Variants in DUSP6 observed in about 807,000 individuals in gnomAD.
The protein encoded by DUSP6 is dual specificity protein phosphatase 6.
Under a neutral mutation model 28.0 loss-of-function variants are expected in DUSP6, and 6 were observed. That is an observed-to-expected ratio of 0.21 (90% CI 0.12 to 0.42). DUSP6 has a LOEUF of 0.42. DUSP6 is among the 10% of genes least tolerant of loss of function. The pLI is 1.00. For missense variants in DUSP6, 451 were observed against 498.1 expected (o/e 0.91, Z 0.90); for synonymous variants, 252 against 217.5 (o/e 1.16, Z -1.40).
rs1879215555 is a variant in DUSP6, at chr12:89,351,967, C to T, written c.73G>A (p.Glu25Lys). 10 of 1,612,928 alleles carry T rather than the reference C, an allele frequency of 6.2e-6. No homozygotes were observed. The highest frequency in any genetic ancestry group is 7.6e-6 in the Non-Finnish European group (9 of 1,179,968). Residue 25 changes from glutamate (E) to lysine (K), a missense_variant, in exon 1 of 3, where the codon GAG (glutamate) becomes AAG (lysine). Around this residue, in one of 2 missense-constraint regions of DUSP6, gnomAD observed 347 missense variants for 346.6 expected, o/e 1.00. Coordinates refer to ENST00000279488, the MANE Select transcript of DUSP6 (RefSeq NM_001946.4). ...CGCTCGTTGCCCAGCTCCAGCTGCT[C>T]GTTGAGCCACGCCACCGTCTTGCTG... is the stretch of plus-strand genomic sequence containing the variant. The part of the protein sequence containing the change: ...AISKTVAWLN[E>K]QLELGNERLL...
chr12:89,350,928 C>G lies in DUSP6; in HGVS notation c.498G>C (p.Gly166=). ...CAGAGCTGATCCGCAGGCCCCCGAG[C>G]CCCAGCACTGGCAACGGCGGCGAGC... ...SSSSPPLPVL[G]LGGLRISSDS... Residue 166 remains glycine (G), a synonymous_variant, in exon 2 of 3, where the codon GGG becomes GGC. Coordinates refer to ENST00000279488, the MANE Select transcript of DUSP6 (RefSeq NM_001946.4). 6.2e-7 allele frequency: 1 copy of G among 1,613,780 alleles called. No homozygotes were observed. The highest frequency in any genetic ancestry group is 1.3e-5 in the African/African-American group (1 of 75,030).
At chr12:89,351,216 G>C in intron 1 of DUSP6, 191 bp from the exon 2 acceptor site, 1 of 713,800 alleles carries the variant, frequency 1.4e-6, no homozygotes, top group South Asian at 2.0e-5. Flanking sequence ...CGCCTCGCCA[G>C]GGAACCCTTA....
rs952749852 is a variant in DUSP6 at position 89,351,740 on chromosome 12, C to T, written c.300G>A (p.Glu100=). ...CGTDTVVLYD[E]SSSDWNENTG... ...TATTCTCGTTCCAGTCGCTGCTGCT[C>T]TCGTCGTAGAGCACCACTGTGTCGG... The change falls in exon 1 of 3, where the codon GAG becomes GAA. Residue 100 remains glutamate, a synonymous_variant. Transcript: ENST00000279488. 7.5e-6 allele frequency: 12 copies of T among 1,606,926 alleles called. No homozygotes were observed. In the Admixed American group the frequency reaches 1.0e-4, roughly 14 times the overall value.
chr12:89,351,156 A>G, intron 1 of DUSP6, 131 bp from the exon 2 acceptor site: 2 of 986,960 alleles, frequency 2.0e-6, no homozygotes, highest in South Asian at 1.7e-5. Flanking sequence ...AACCATCTAT[A>G]AGAGAAACAC....
intron 2 of DUSP6, 139 bp downstream of exon 2, chr12:89,350,449 T>C: frequency 1.2e-6 from 1 of 845,652 alleles, no homozygotes; most frequent in Non-Finnish European, 1.8e-6. Context: ...TAAACCAGAA[T>C]TAAGGACGCT....
chr12:89,351,207 G>A, intron 1 of DUSP6, 182 bp from the exon 2 acceptor site: 1 of 733,500 alleles, frequency 1.4e-6, no homozygotes, highest in African/African-American at 1.8e-5. Flanking sequence ...GAACGGGCCC[G>A]CCTCGCCAGG....
chr12:89,347,934 G>A lies in DUSP6; in HGVS notation c.*1320C>T, dbSNP rs704073. 0.27 allele frequency: 41,260 copies of A among 152,034 alleles called. 7,075 individuals carry two copies. The highest frequency in any genetic ancestry group is 0.49 in the African/African-American group (20,151 of 41,408). 9.4% of individuals were successfully genotyped at this position (152,034 alleles called of 1,614,324 possible). On this transcript the variant is annotated 3_prime_UTR_variant, in exon 3 of 3. Coordinates refer to ENST00000279488, the MANE Select transcript of DUSP6 (RefSeq NM_001946.4). Reference sequence around the variant, plus strand: ...ATTTCATAAACTGCTGCTGAAAAACGTTCTAGGAAAAGCTTAAAAGAACCT... The same window carrying A: ...ATTTCATAAACTGCTGCTGAAAAACATTCTAGGAAAAGCTTAAAAGAACCT...
intron 1 of DUSP6, 87 bp downstream of exon 1, chr12:89,351,553 G>C (rs1197600106): frequency 6.8e-7 from 1 of 1,461,906 alleles, no homozygotes; most frequent in East Asian, 2.5e-5. Context: ...CAGCTGAGCG[G>C]AGCAGAGGTA....
At position 89,349,427 on chromosome 12, in the gene DUSP6, T is replaced by A. The variant is rs769790533; in HGVS notation, c.973A>T (p.Met325Leu). 3.3e-5 allele frequency: 54 copies of A among 1,614,188 alleles called. No homozygotes were observed. The East Asian group carries it at 1.2e-3, about 36-fold the overall frequency. Residue 325 changes from methionine to leucine, a missense_variant, in exon 3 of 3, where the codon ATG (methionine) becomes TTG (leucine). This residue lies in a region of DUSP6 where 104 missense variants were observed against 151.4 expected (regional missense o/e 0.69). Coordinates refer to ENST00000279488, the MANE Select transcript of DUSP6 (RefSeq NM_001946.4). ...TTAGGGGATATGTTGGATTTTTTCA[T>A]TTTGACAATGTCATAGGCATCGTTC... ...SMNDAYDIVK[M>L]KKSNISPNFN...
At position 89,352,309 on chromosome 12, in the gene DUSP6, GA is replaced by G. The variant is rs1879233831; in HGVS notation, c.-271del. On this transcript the variant is annotated 5_prime_UTR_variant, in exon 1 of 3. Transcript: ENST00000279488. ...TAGTTTTTGTTCCTCCCCAGTGAAT[GA>G]AATCCAATTAATTCGGACTCCGTGC... The G allele has an allele frequency of 1.9e-6, 1 of 512,924 alleles. No individual in the cohort carries two copies. The highest frequency in any genetic ancestry group is 2.7e-5 in the South Asian group (1 of 36,900). 31.8% of individuals were successfully genotyped at this position (512,924 alleles called of 1,614,324 possible).
At chr12:89,351,289 T>G in intron 1 of DUSP6, 1 of 588,510 alleles carries the variant, frequency 1.7e-6, no homozygotes, top group Non-Finnish European at 3.0e-6. Flanking sequence ...AGCTAAGATG[T>G]GCCAATTTGC....
chr12:89,351,388 A>T, intron 1 of DUSP6: 1 of 614,862 alleles, frequency 1.6e-6, no homozygotes, highest in Non-Finnish European at 2.8e-6. Flanking sequence ...TCTGGCTAAG[A>T]AGGCGCAGAA....
rs1879014998 is a variant in DUSP6 at position 89,347,392 on chromosome 12, A to G, written c.*1862T>C. 1 of 152,232 alleles carries G rather than the reference A, an allele frequency of 6.6e-6. No homozygotes were observed. Among genetic ancestry groups the G allele is most frequent in the Non-Finnish European group, 1.5e-5 (1 of 68,040 alleles). The allele number at this position is 152,232 out of a possible 1,614,324, so 9.4% of individuals were successfully genotyped here. ...AAGTTTCAATAAGGGTTTCTGACCC[A>G]CATCCCAAGCCAGTTAAACAAAAAA... On this transcript the variant is annotated 3_prime_UTR_variant, in exon 3 of 3. Coordinates refer to ENST00000279488, the MANE Select transcript of DUSP6 (RefSeq NM_001946.4).
Position 89,352,072 on chromosome 12 carries a change from T to A in DUSP6, c.-33A>T, listed in dbSNP as rs751604114. On this transcript the variant is annotated 5_prime_UTR_variant, in exon 1 of 3. It removes the in-frame stop codon of an upstream open reading frame in the 5' UTR. Coordinates refer to ENST00000279488, the MANE Select transcript of DUSP6 (RefSeq NM_001946.4). ...GAGCTGCGGGAGAGGGCGGGGTGCC[T>A]ACCAGACGCCCCTCGGGGCAGGCAT... is the stretch of plus-strand genomic sequence containing the variant. 5.0e-6 allele frequency: 8 copies of A among 1,594,328 alleles called. No homozygotes were observed. The highest frequency in any genetic ancestry group is 6.9e-6 in the Non-Finnish European group (8 of 1,167,282).
chr12:89,349,601 A>G (rs774799646), intron 2 of DUSP6, 40 bp from the exon 3 acceptor site: 1 of 1,500,302 alleles, frequency 6.7e-7, no homozygotes, highest in Admixed American at 1.9e-5. Context: ...CAGCAGACTG[A>G]AAACCACCCT....
intron 1 of DUSP6, chr12:89,351,285 G>C (rs1879177128): frequency 5.0e-6 from 3 of 595,066 alleles, no homozygotes; most frequent in Non-Finnish European, 8.8e-6. Context: ...TGAGAGCTAA[G>C]ATGTGCCAAT....
At chr12:89,351,277 A>G in intron 1 of DUSP6, 1 of 603,308 alleles carries the variant, frequency 1.7e-6, no homozygotes, top group Non-Finnish European at 2.9e-6. Flanking sequence ...GAATATTTTG[A>G]GAGCTAAGAT....
chr12:89,350,940 C>G lies in DUSP6; in HGVS notation c.486G>C (p.Leu162Phe). The change falls in exon 2 of 3, where the codon TTG becomes TTC. Residue 162 changes from leucine (L) to phenylalanine (F), a missense_variant. Leu to Phe is a conservative substitution (Grantham distance 22). Transcript: ENST00000279488. ...GCAGGCCCCCGAGCCCCAGCACTGG[C>G]AACGGCGGCGAGCTGCTGCTACACG... ...DGSCSSSSPP[L>F]PVLGLGGLRI... 1 of 1,613,554 alleles carries G rather than the reference C, an allele frequency of 6.2e-7. No individual in the cohort carries two copies. The highest frequency in any genetic ancestry group is 1.3e-5 in the African/African-American group (1 of 75,058).
At position 89,352,081 on chromosome 12, in the gene DUSP6, C is replaced by T. The variant is rs1319235183; in HGVS notation, c.-42G>A. ...GAGAGGGCGGGGTGCCTACCAGACG[C>T]CCCTCGGGGCAGGCATAGGCCGAGC... On this transcript the variant is annotated 5_prime_UTR_variant, in exon 1 of 3. Transcript: ENST00000279488. The T allele has an allele frequency of 6.3e-7, 1 of 1,588,450 alleles. No individual in the cohort carries two copies. Among genetic ancestry groups the T allele is most frequent in the Non-Finnish European group, 8.6e-7 (1 of 1,164,272 alleles).
Sources: gnomAD v4.1 joint callset for allele counts on GRCh38, gnomAD v4.1.1 for gene constraint, gnomAD v4.1.1 regional missense constraint, MANE v1.5 for transcripts, NCBI Gene and HGNC (gene_info 2026-07-23, HGNC 2026-07-21) for gene names.